Variants in TBCK observed in about 807,000 individuals in gnomAD.
The protein encoded by TBCK is TBC1 domain containing kinase, also known as TBC domain-containing protein kinase-like protein.
Under a neutral mutation model 113.4 loss-of-function variants are expected in TBCK, and 99 were observed. The observed-to-expected ratio is 0.87, with a 90% CI of 0.74 to 1.03. The LOEUF is 1.03. Among genes scored for constraint, TBCK ranks in the 50% least tolerant of loss-of-function variants. The pLI is 0.00. For synonymous variants in TBCK, 369 were observed against 370.8 expected (o/e 1.00, Z 0.05); for missense variants, 1,045 against 1,061.3 (o/e 0.98, Z 0.21).
At chr4:106,170,940 T>C (rs1033629653) in intron 23 of TBCK, among the ~76,000 whole-genome samples, 155 bp downstream of exon 23, 15 of 152,158 alleles carry the variant, frequency 9.9e-5, no homozygotes, top group African/African-American at 3.4e-4. Flanking sequence ...ATAATGGTTT[T>C]CTGGAATATT....
chr4:106,282,781 C>T (rs1026505049), intron 3 of TBCK, among the ~76,000 whole-genome samples: 1 of 152,094 alleles, frequency 6.6e-6, no homozygotes. Context: ...AGGAAACATA[C>T]AATCTTGGCA....
At position 106,155,249 on chromosome 4, in the gene TBCK, T is replaced by C. The variant is rs1220865423; in HGVS notation, c.2235+15846A>G. Among the ~76,000 whole-genome samples, 7 of 152,094 alleles carry C rather than the reference T, an allele frequency of 4.6e-5. No individual in the cohort carries two copies. In the East Asian group the frequency reaches 9.6e-4, roughly 21 times the overall value. On this transcript the variant is annotated intron_variant, in intron 23 of 25. Coordinates refer to ENST00000394708, the MANE Select transcript of TBCK (RefSeq NM_001163435.3). ...CCGGACATATAAGAGTTCCATTGTATGTTATTTGTTTCTTTTATCCTTTTA... is the reference window on the plus strand; with the variant it reads ...CCGGACATATAAGAGTTCCATTGTACGTTATTTGTTTCTTTTATCCTTTTA...
chr4:106,161,700 C>G (rs73838122), intron 23 of TBCK, among the ~76,000 whole-genome samples: 2,015 of 146,550 alleles, frequency 0.014, 141 homozygotes, highest in African/African-American at 0.047. Flanking sequence ...TTAGGTGTGT[C>G]TGTGTGTGTG....
chr4:106,218,184 G>A (rs1579284928), intron 19 of TBCK, among the ~76,000 whole-genome samples: 2 of 144,456 alleles, frequency 1.4e-5, no homozygotes, highest in Admixed American at 1.4e-4. Flanking sequence ...AGCTGAAACT[G>A]GATCCCTTCC....
intron 19 of TBCK, among the ~76,000 whole-genome samples, chr4:106,215,780 C>A (rs550744793): frequency 6.6e-6 from 1 of 151,120 alleles, no homozygotes; most frequent in Non-Finnish European, 1.5e-5. Flanking sequence ...GACTTTAACA[C>A]CCCACTGTCA....
intron 25 of TBCK, among the ~76,000 whole-genome samples, chr4:106,083,890 G>A (rs1167405671): frequency 1.3e-5 from 2 of 152,118 alleles, no homozygotes; most frequent in African/African-American, 4.8e-5. Context: ...AGTGACAACA[G>A]CACCAAAAAC....
At chr4:106,265,442 G>A (rs961093008) in intron 3 of TBCK, among the ~76,000 whole-genome samples, 3 of 151,612 alleles carry the variant, frequency 2.0e-5, no homozygotes, top group East Asian at 1.9e-4. Flanking sequence ...CAGTCATCCC[G>A]TTGTATTAAC....
intron 25 of TBCK, among the ~76,000 whole-genome samples, chr4:106,090,429 T>C (rs186796135): frequency 1.7e-3 from 263 of 152,286 alleles, no homozygotes; most frequent in African/African-American, 5.9e-3. Context: ...AACTCTGAAA[T>C]GCCTTCAAGG....
At position 106,242,476 on chromosome 4, in the gene TBCK, T is replaced by C. The variant is rs1374052636; in HGVS notation, c.1164A>G (p.Leu388=). Reference sequence around the variant, plus strand: ...GTCAAAATATCTTTCTTACATTTCTTAGCTGGCATAACGACAATGTCACAG... The same window carrying C: ...GTCAAAATATCTTTCTTACATTTCTCAGCTGGCATAACGACAATGTCACAG... ...DTTVTLSLCQ[L]RNRLKDVGGE... Residue 388 remains leucine, a synonymous_variant, in exon 12 of 26, where the codon CTA becomes CTG. Transcript: ENST00000394708. 1 of 1,598,894 alleles carries C rather than the reference T, an allele frequency of 6.3e-7. No homozygotes were observed.
chr4:106,225,186 T>C (rs1039629120), intron 19 of TBCK, among the ~76,000 whole-genome samples: 1 of 152,174 alleles, frequency 6.6e-6, no homozygotes, highest in Non-Finnish European at 1.5e-5. Context: ...ATATGGTCAA[T>C]ATAAAATTTG....
intron 23 of TBCK, among the ~76,000 whole-genome samples, chr4:106,127,876 T>C (rs1440013692): frequency 1.3e-5 from 2 of 151,984 alleles, no homozygotes; most frequent in African/African-American, 2.4e-5. Context: ...GCAAAAAAAA[T>C]TGAAAAAGTG....
chr4:106,175,940 A>C (rs911042397), intron 22 of TBCK, among the ~76,000 whole-genome samples: 1 of 152,228 alleles, frequency 6.6e-6, no homozygotes, highest in Non-Finnish European at 1.5e-5. Flanking sequence ...GGCTCCTTAG[A>C]GCCCTTTTTT....
At chr4:106,294,727 C>T (rs1425919236) in intron 3 of TBCK, among the ~76,000 whole-genome samples, 2 of 151,978 alleles carry the variant, frequency 1.3e-5, no homozygotes, top group East Asian at 2.0e-4. Context: ...GTGATCCGCC[C>T]GCCTCGGCCT....
At chr4:106,316,478 T>G, upstream of TBCK, 3 of 1,473,918 alleles carry the variant, frequency 2.0e-6, no homozygotes, top group South Asian at 3.6e-5. Flanking sequence ...TGTAGAACAC[T>G]CAGGCTTTCA....
chr4:106,299,320 G>A (rs770851665), intron 2 of TBCK, among the ~76,000 whole-genome samples: 1 of 152,130 alleles, frequency 6.6e-6, no homozygotes, highest in Non-Finnish European at 1.5e-5. Context: ...TATAAACTCA[G>A]TATAACTCAG....
intron 23 of TBCK, among the ~76,000 whole-genome samples, chr4:106,139,117 T>G (rs4956269): frequency 0.98 from 136,749 of 139,062 alleles, 67,677 homozygotes; most frequent in East Asian, 1. Context: ...TGGTCCTCCT[T>G]GTCACTTGGA....
intron 3 of TBCK, among the ~76,000 whole-genome samples, chr4:106,291,186 GGCCT>G (rs1416196453): frequency 1.3e-5 from 2 of 152,170 alleles, no homozygotes; most frequent in African/African-American, 4.8e-5. Context: ...GTCTGCACGT[GGCCT>G]GCCTATTATT....
intron 23 of TBCK, among the ~76,000 whole-genome samples, chr4:106,127,550 A>G (rs1014197335): frequency 1.2e-4 from 19 of 152,168 alleles, no homozygotes; most frequent in African/African-American, 4.6e-4. Context: ...ATTCTATAAT[A>G]CATTAAAAAA....
chr4:106,252,142 AAACT>A (rs1457728159), intron 5 of TBCK, 135 bp from the exon 6 acceptor site: 1 of 640,300 alleles, frequency 1.6e-6, no homozygotes, highest in Non-Finnish European at 2.5e-6. Flanking sequence ...AAAGCATTCT[AAACT>A]AACCATCATA....
Sources: allele counts gnomAD v4.1 joint callset (sites outside exome capture counted in the v4.1 genomes callset), GRCh38; gene constraint gnomAD v4.1.1; transcripts MANE v1.5; gene names NCBI Gene and HGNC (gene_info 2026-07-23, HGNC 2026-07-21).